Variants in AUTS2 observed in about 807,000 individuals in gnomAD.
AUTS2 encodes the protein autism susceptibility gene 2 protein.
In AUTS2, 17 loss-of-function variants were observed where a neutral mutation model predicts 112.4. The ratio of observed to expected loss-of-function variants is 0.15; its 90% CI spans 0.10 to 0.23. AUTS2 has a LOEUF of 0.23. Among genes scored for constraint, AUTS2 ranks in the 10% least tolerant of loss-of-function variants. The pLI is 1.00. For synonymous variants in AUTS2, 751 were observed against 702.7 expected (o/e 1.07, Z -1.09); for missense variants, 1,510 against 1,701.6 (o/e 0.89, Z 1.98).
At chr7:69,628,835 A>T (rs1011392800) in intron 1 of AUTS2, among the ~76,000 whole-genome samples, 1 of 152,168 alleles carries the variant, frequency 6.6e-6, no homozygotes, top group Non-Finnish European at 1.5e-5. Context: ...GAGATTTGGG[A>T]GGGATACAGA....
At chr7:69,906,581 A>G (rs1795157783) in intron 2 of AUTS2, among the ~76,000 whole-genome samples, 1 of 152,212 alleles carries the variant, frequency 6.6e-6, no homozygotes, top group African/African-American at 2.4e-5. Context: ...AACTGCTTTC[A>G]TTACTGCCTT....
chr7:70,669,107 C>T (rs1249943448), intron 5 of AUTS2, among the ~76,000 whole-genome samples: 1 of 152,182 alleles, frequency 6.6e-6, no homozygotes, highest in African/African-American at 2.4e-5. Flanking sequence ...CTTGAAAATG[C>T]CGCTGTCTCA....
chr7:70,214,689 C>T (rs1248349069), intron 4 of AUTS2, among the ~76,000 whole-genome samples: 7 of 152,016 alleles, frequency 4.6e-5, no homozygotes, highest in South Asian at 2.1e-4. Context: ...TTTTTAAATT[C>T]GTGGTTTTCT....
At chr7:69,858,336 G>C (rs1792827466) in intron 1 of AUTS2, among the ~76,000 whole-genome samples, 1 of 152,216 alleles carries the variant, frequency 6.6e-6, no homozygotes, top group African/African-American at 2.4e-5. Flanking sequence ...TGAGGGTGGA[G>C]CTTAGAAGTA....
chr7:70,003,121 T>C (rs1799274949), intron 2 of AUTS2, among the ~76,000 whole-genome samples: 1 of 144,202 alleles, frequency 6.9e-6, no homozygotes, highest in South Asian at 2.1e-4. Flanking sequence ...TTTTGTTCAT[T>C]CATATATATG....
At chr7:69,944,129 G>C (rs552560216) in intron 2 of AUTS2, among the ~76,000 whole-genome samples, 8 of 152,164 alleles carry the variant, frequency 5.3e-5, no homozygotes, top group East Asian at 1.9e-4. Context: ...GCTGCGATGT[G>C]GGGGAGACAG....
chr7:70,605,546 C>CTTTTTTTTTTTTTTTTTT, intron 5 of AUTS2, among the ~76,000 whole-genome samples: 42 of 70,676 alleles, frequency 5.9e-4, no homozygotes, highest in African/African-American at 7.9e-4. Flanking sequence ...CCTTCTTTCT[C>CTTTTTTTTTTTTTTTTTT]TTTTTTTTTT....
At chr7:69,842,916 C>G (rs1232532164) in intron 1 of AUTS2, among the ~76,000 whole-genome samples, 2 of 152,144 alleles carry the variant, frequency 1.3e-5, no homozygotes, top group Non-Finnish European at 2.9e-5. Flanking sequence ...GGTATAAAAC[C>G]TCACTGATAG....
intron 1 of AUTS2, among the ~76,000 whole-genome samples, chr7:69,645,021 G>T (rs1794961380): frequency 6.6e-6 from 1 of 151,680 alleles, no homozygotes; most frequent in Non-Finnish European, 1.5e-5. Flanking sequence ...TGATCCTCCT[G>T]CCTCAGCTAC....
intron 2 of AUTS2, among the ~76,000 whole-genome samples, chr7:70,029,635 CT>C (rs1228349389): frequency 2.6e-5 from 4 of 152,010 alleles, no homozygotes; most frequent in African/African-American, 9.7e-5. Flanking sequence ...AAAGTGAATA[CT>C]TTGCGGTTGT....
At chr7:70,736,939 A>T (rs1461994947) in intron 6 of AUTS2, among the ~76,000 whole-genome samples, 2 of 152,158 alleles carry the variant, frequency 1.3e-5, no homozygotes, top group Non-Finnish European at 2.9e-5. Context: ...AATCACCGGC[A>T]TTCCTGATCA....
At chr7:70,092,049 G>A (rs1011194116) in intron 2 of AUTS2, among the ~76,000 whole-genome samples, 4 of 113,488 alleles carry the variant, frequency 3.5e-5, no homozygotes, top group Non-Finnish European at 3.7e-5. Flanking sequence ...TTATATTAGT[G>A]TGCCAGTTAC....
At chr7:69,786,890 A>G (rs1033256773) in intron 1 of AUTS2, among the ~76,000 whole-genome samples, 5 of 152,260 alleles carry the variant, frequency 3.3e-5, no homozygotes, top group African/African-American at 1.2e-4. Flanking sequence ...TATTGTTTCA[A>G]AAAAACTTGT....
At chr7:69,980,974 C>T (rs6951921) in intron 2 of AUTS2, among the ~76,000 whole-genome samples, 54,953 of 152,084 alleles carry the variant, frequency 0.36, 10,530 homozygotes, top group African/African-American at 0.49. Flanking sequence ...CTTACACATA[C>T]ATGAATAATT....
intron 2 of AUTS2, among the ~76,000 whole-genome samples, chr7:69,961,951 A>G (rs969814409): frequency 2.0e-5 from 3 of 152,170 alleles, no homozygotes; most frequent in African/African-American, 7.2e-5. Context: ...TGGTTCAAGC[A>G]TTGAACACTA....
At chr7:70,063,291 G>C (rs1032674054) in intron 2 of AUTS2, among the ~76,000 whole-genome samples, 3 of 151,132 alleles carry the variant, frequency 2.0e-5, no homozygotes, top group Admixed American at 6.6e-5. Flanking sequence ...AAATGGTTCA[G>C]CCTAGGGGTT....
chr7:70,513,509 T>C (rs1799288228), intron 5 of AUTS2, among the ~76,000 whole-genome samples: 1 of 152,206 alleles, frequency 6.6e-6, no homozygotes, highest in Admixed American at 6.5e-5. Flanking sequence ...TCTATCCCCC[T>C]GTCTCCACCA....
intron 5 of AUTS2, among the ~76,000 whole-genome samples, chr7:70,492,478 T>A (rs2116443577): frequency 6.6e-6 from 1 of 152,334 alleles, no homozygotes; most frequent in Non-Finnish European, 1.5e-5. Context: ...ACTTGTGTTT[T>A]ACTTTTCTCA....
chr7:69,986,027 T>C (rs1016096409), intron 2 of AUTS2, among the ~76,000 whole-genome samples: 5 of 152,226 alleles, frequency 3.3e-5, no homozygotes, highest in Non-Finnish European at 7.3e-5. Context: ...CCTCTCAAAG[T>C]GCTGGGATTT....
Sources: gnomAD v4.1 joint callset for allele counts (sites outside exome capture counted in the v4.1 genomes callset) on GRCh38, gnomAD v4.1.1 for gene constraint, MANE v1.5 for transcripts, NCBI Gene and HGNC (gene_info 2026-07-23, HGNC 2026-07-21) for gene names.